The following NUP98 variants were observed in gnomAD, a reference collection of about 807,000 sequenced individuals.
NUP98 encodes the protein nucleoporin 98 and 96 precursor.
Under a neutral mutation model 191.9 loss-of-function variants are expected in NUP98, and 26 were observed. The ratio of observed to expected loss-of-function variants is 0.14; its 90% CI spans 0.10 to 0.19. NUP98 has a LOEUF of 0.19. NUP98 is among the 10% of genes least tolerant of loss of function. The pLI is 1.00. For missense variants in NUP98, 1,941 were observed against 2,178.8 expected (o/e 0.89, Z 2.17); for synonymous variants, 808 against 778.4 (o/e 1.04, Z -0.63).
At chr11:3,733,296 C>T (rs1382803011) in intron 13 of NUP98, among the ~76,000 whole-genome samples, 2 of 152,068 alleles carry the variant, frequency 1.3e-5, no homozygotes, top group African/African-American at 4.8e-5. Context: ...GTGTCTGGCT[C>T]CTTTCACTTA....
rs1348088080 is a variant in NUP98 at position 3,693,245 on chromosome 11, T to G, written c.4298A>C (p.Glu1433Ala). ...GGCCACATATACCTGAAATGCTTCT[T>G]CATACATGCTGAGCGCCCTAGAAAT... ...ASISRALSMY[E>A]EAFQNTSDSD... The change falls in exon 27 of 33, where the codon GAA becomes GCA. Residue 1433 changes from glutamate to alanine, a missense_variant. Glu to Ala is a moderately radical substitution (Grantham distance 107). Around this residue, in one of 6 missense-constraint regions of NUP98, gnomAD observed 1,030 missense variants for 1,115.8 expected, o/e 0.92. Coordinates refer to ENST00000324932, the MANE Select transcript of NUP98 (RefSeq NM_016320.5). 1.7e-5 allele frequency: 28 copies of G among 1,614,108 alleles called. No homozygotes were observed. Among genetic ancestry groups the G allele is most frequent in the Non-Finnish European group, 2.4e-5 (28 of 1,179,978 alleles).
chr11:3,702,328 CTCT>C (rs2078724955), intron 23 of NUP98, 132 bp downstream of exon 23: 5 of 105,086 alleles, frequency 4.8e-5, no homozygotes, highest in Non-Finnish European at 3.0e-5. Context: ...CTCTCTCTCT[CTCT>C]CTCTCTCTCT....
intron 13 of NUP98, among the ~76,000 whole-genome samples, chr11:3,732,788 T>C (rs1215142860): frequency 1.3e-5 from 2 of 152,222 alleles, no homozygotes; most frequent in South Asian, 2.1e-4. Context: ...CAAATAACAA[T>C]GTCTAGCATA....
chr11:3,686,334 T>C (rs935092547), intron 28 of NUP98, 140 bp from the exon 29 acceptor site: 1 of 699,080 alleles, frequency 1.4e-6, no homozygotes, highest in East Asian at 2.7e-5. Flanking sequence ...TCTGAGCCTA[T>C]GTTTTATCAA....
chr11:3,749,285 G>T (rs921505267), intron 11 of NUP98, among the ~76,000 whole-genome samples: 24 of 150,706 alleles, frequency 1.6e-4, no homozygotes, highest in African/African-American at 5.4e-4. Context: ...TCCGCAGTCC[G>T]GCCTGGGCGA....
chr11:3,777,620 CAAAAAA>C (rs35614116), intron 4 of NUP98, among the ~76,000 whole-genome samples: 1 of 59,472 alleles, frequency 1.7e-5, no homozygotes, highest in African/African-American at 6.6e-5. Flanking sequence ...GACTCCGTCT[CAAAAAA>C]AAAAAAAAAA....
At chr11:3,770,348 G>A (rs1156834995) in intron 7 of NUP98, among the ~76,000 whole-genome samples, 3 of 151,946 alleles carry the variant, frequency 2.0e-5, no homozygotes, top group Middle Eastern at 3.2e-3. Context: ...AAAATTAGTC[G>A]GGTGTGGTGG....
intron 29 of NUP98, among the ~76,000 whole-genome samples, chr11:3,683,968 G>A (rs1389139835): frequency 6.8e-6 from 1 of 146,596 alleles, no homozygotes; most frequent in Admixed American, 6.9e-5. Context: ...AGCACTTTGG[G>A]AGGTCAAGGT....
intron 6 of NUP98, 59 bp downstream of exon 6, chr11:3,773,573 A>G: frequency 9.3e-7 from 1 of 1,078,536 alleles, no homozygotes; most frequent in Non-Finnish European, 1.4e-6. Flanking sequence ...CATTTTTAAA[A>G]GCTGCATTCC....
chr11:3,772,607 G>C (rs1442205425), intron 6 of NUP98, among the ~76,000 whole-genome samples: 1 of 151,818 alleles, frequency 6.6e-6, no homozygotes, highest in Non-Finnish European at 1.5e-5. Context: ...CACAAGGCCA[G>C]GGTTCAAGAA....
chr11:3,683,024 C>T (rs1405648084), intron 30 of NUP98, among the ~76,000 whole-genome samples, 176 bp downstream of exon 30: 1 of 152,160 alleles, frequency 6.6e-6, no homozygotes, highest in African/African-American at 2.4e-5. Context: ...TACCCCTGCT[C>T]CTCTAGCGCC....
chr11:3,788,944 T>A (rs530009046), intron 1 of NUP98, among the ~76,000 whole-genome samples: 1 of 152,038 alleles, frequency 6.6e-6, no homozygotes, highest in Non-Finnish European at 1.5e-5. Flanking sequence ...TGAAACTCCA[T>A]CTCAAAAAAA....
chr11:3,682,885 A>C (rs1021818810), intron 30 of NUP98, among the ~76,000 whole-genome samples: 2 of 152,228 alleles, frequency 1.3e-5, no homozygotes, highest in African/African-American at 2.4e-5. Flanking sequence ...AAGAATTTCT[A>C]GTTTCAGGCC....
intron 1 of NUP98, among the ~76,000 whole-genome samples, chr11:3,792,597 C>T (rs2133992402): frequency 6.6e-6 from 1 of 152,142 alleles, no homozygotes; most frequent in East Asian, 1.9e-4. Flanking sequence ...GGTGACAAAG[C>T]AAGACTCTGT....
Position 3,676,168 on chromosome 11 carries a change from C to T in NUP98, c.5394G>A (p.Gly1798=). 1 of 1,613,888 alleles carries T rather than the reference C, an allele frequency of 6.2e-7. No homozygotes were observed. Among genetic ancestry groups the T allele is most frequent in the Admixed American group, 1.7e-5 (1 of 59,990 alleles). The part of the protein sequence containing the change: ...TQSYLRELAV[G]SL The stretch of plus-strand genomic sequence containing the variant: ...GCAAAGTGCCTGGGGCTCACAGGCT[C>T]CCAACAGCCAGTTCTCGCAGATAGG... The change falls in exon 33 of 33, where the codon GGG becomes GGA. Residue 1798 remains glycine, a synonymous_variant. Coordinates refer to ENST00000324932, the MANE Select transcript of NUP98 (RefSeq NM_016320.5).
chr11:3,711,412 A>G (rs16929785), intron 20 of NUP98: 10,548 of 152,160 alleles, frequency 0.069, 385 homozygotes, highest in Middle Eastern at 0.1. Context: ...TAAAGAACCT[A>G]GAAACTACTG....
intron 27 of NUP98, among the ~76,000 whole-genome samples, chr11:3,692,322 G>GAA (rs59732118): frequency 4.1e-4 from 52 of 126,942 alleles, no homozygotes; most frequent in Middle Eastern, 3.9e-3. Flanking sequence ...GATCTCGATT[G>GAA]AAAAAAAAAA....
At chr11:3,683,152 T>C in intron 30 of NUP98, 48 bp downstream of exon 30, 2 of 1,607,924 alleles carry the variant, frequency 1.2e-6, no homozygotes, top group Non-Finnish European at 1.7e-6. Context: ...GGTTCAGAGG[T>C]TGGAGGAATT....
At position 3,706,514 on chromosome 11, in the gene NUP98, C is replaced by A. The variant is rs1231819355; in HGVS notation, c.2856G>T (p.Glu952Asp). ...TTGAGGCAGACACAGGTTCCTGATC[C>A]TCAGGCATGCTCTCTTCTAACATGG... ...LDTMLEESMP[E>D]DQEPVSASTH... Residue 952 changes from glutamate (E) to aspartate (D), a missense_variant, in exon 21 of 33, where the codon GAG becomes GAT. Glu to Asp is a conservative substitution (Grantham distance 45, BLOSUM62 2). This residue lies in a region of NUP98 where 1,030 missense variants were observed against 1,115.8 expected (regional missense o/e 0.92). Transcript: ENST00000324932. 9 of 1,614,094 alleles carry A rather than the reference C, an allele frequency of 5.6e-6. No individual in the cohort carries two copies. Among genetic ancestry groups the A allele is most frequent in the Non-Finnish European group, 7.6e-6 (9 of 1,180,004 alleles).
Sources: gnomAD v4.1 joint callset for allele counts (sites outside exome capture counted in the v4.1 genomes callset) on GRCh38, gnomAD v4.1.1 for gene constraint, gnomAD v4.1.1 regional missense constraint, MANE v1.5 for transcripts, NCBI Gene and HGNC (gene_info 2026-07-23, HGNC 2026-07-21) for gene names.